PTPRM: variants seen among roughly 807,000 people sequenced by gnomAD.
The protein encoded by PTPRM is receptor-type tyrosine-protein phosphatase mu.
In PTPRM, 47 loss-of-function variants were observed where a neutral mutation model predicts 186.7. The ratio of observed to expected loss-of-function variants is 0.25; its 90% confidence interval spans 0.20 to 0.32. PTPRM has a LOEUF of 0.32. Ranked by LOEUF, PTPRM falls within the 10% of genes least tolerant of loss-of-function variation. The pLI is 1.00. For missense variants in PTPRM, 1,494 were observed against 1,865.0 expected, an observed-to-expected ratio of 0.80 and a Z score of 3.66; for synonymous variants, 668 against 674.9, an observed-to-expected ratio of 0.99 and a Z score of 0.16.
intron 14 of PTPRM, among the ~76,000 whole-genome samples, chr18:8,241,616 G>A (rs1008082726): frequency 3.9e-5 from 6 of 152,234 alleles, no homozygotes; most frequent in Admixed American, 3.9e-4. Flanking sequence ...TGGGGCATCA[G>A]TGTGCAGGAG....
At chr18:7,966,581 T>A (rs8087928) in intron 7 of PTPRM, among the ~76,000 whole-genome samples, 7 of 143,022 alleles carry the variant, frequency 4.9e-5, no homozygotes, top group Admixed American at 3.5e-4. Flanking sequence ...GACAGTGGGC[T>A]CAGGTCAGTG....
chr18:7,976,614 GA>G (rs1005107460), intron 7 of PTPRM, among the ~76,000 whole-genome samples: 12 of 150,754 alleles, frequency 8.0e-5, no homozygotes, highest in East Asian at 5.8e-4. Context: ...TTTTATTTAT[GA>G]AAAAAAAAGA....
At chr18:8,084,931 TATC>T (rs1356664020) in intron 9 of PTPRM, among the ~76,000 whole-genome samples, 2 of 152,166 alleles carry the variant, frequency 1.3e-5, no homozygotes, top group Non-Finnish European at 2.9e-5. Context: ...ATGTAGCTAG[TATC>T]ATGAAAACTT....
At chr18:7,582,640 A>C (rs2036875961) in intron 1 of PTPRM, among the ~76,000 whole-genome samples, 1 of 152,200 alleles carries the variant, frequency 6.6e-6, no homozygotes, top group Non-Finnish European at 1.5e-5. Context: ...TAAATGCCTC[A>C]GCTTCTCAGA....
intron 20 of PTPRM, among the ~76,000 whole-genome samples, chr18:8,309,871 T>TATAG (rs1006257958): frequency 6.6e-6 from 1 of 152,166 alleles, no homozygotes; most frequent in African/African-American, 2.4e-5. Flanking sequence ...AAGTCATGTC[T>TATAG]ATAGATAACC....
At chr18:8,175,709 A>C (rs1198270692) in intron 14 of PTPRM, among the ~76,000 whole-genome samples, 1 of 152,368 alleles carries the variant, frequency 6.6e-6, no homozygotes, top group Middle Eastern at 3.4e-3. Context: ...AGCCTGAAGC[A>C]GGGTGGCCTG....
chr18:7,827,928 G>T (rs2045569690), intron 2 of PTPRM, among the ~76,000 whole-genome samples: 1 of 152,198 alleles, frequency 6.6e-6, no homozygotes, highest in Non-Finnish European at 1.5e-5. Context: ...ACACTTCAGG[G>T]GCTTTAGAGA....
At chr18:8,361,484 G>C (rs1197584376) in intron 23 of PTPRM, among the ~76,000 whole-genome samples, 1 of 152,168 alleles carries the variant, frequency 6.6e-6, no homozygotes, top group East Asian at 1.9e-4. Flanking sequence ...AAATAGACAT[G>C]ATTGTTATTC....
intron 14 of PTPRM, among the ~76,000 whole-genome samples, chr18:8,184,655 A>G (rs2093619428): frequency 6.6e-6 from 1 of 152,234 alleles, no homozygotes; most frequent in Non-Finnish European, 1.5e-5. Context: ...AATCTATAAC[A>G]CTGGCCTAAA....
At chr18:7,743,660 A>G (rs1007895971) in intron 1 of PTPRM, among the ~76,000 whole-genome samples, 1 of 152,220 alleles carries the variant, frequency 6.6e-6, no homozygotes, top group East Asian at 1.9e-4. Context: ...GTAGTTGGCT[A>G]ATGTCAGTGA....
At chr18:8,052,156 A>T (rs892089996) in intron 7 of PTPRM, among the ~76,000 whole-genome samples, 4 of 152,128 alleles carry the variant, frequency 2.6e-5, no homozygotes, top group African/African-American at 9.7e-5. Context: ...GAGAACCAAC[A>T]CTATTTTGAA....
intron 7 of PTPRM, among the ~76,000 whole-genome samples, chr18:8,022,102 G>A (rs1050743977): frequency 3.9e-5 from 6 of 152,256 alleles, no homozygotes; most frequent in African/African-American, 1.2e-4. Context: ...TCTAGGACTT[G>A]GAAGCCTATC....
chr18:7,635,929 A>G (rs1283401147), intron 1 of PTPRM, among the ~76,000 whole-genome samples: 2 of 152,170 alleles, frequency 1.3e-5, no homozygotes, highest in Non-Finnish European at 2.9e-5. Flanking sequence ...AGAGTTACCC[A>G]TTGGGTTAAG....
chr18:8,354,766 G>C (rs996428208), intron 23 of PTPRM, among the ~76,000 whole-genome samples: 14 of 152,178 alleles, frequency 9.2e-5, no homozygotes, highest in African/African-American at 3.4e-4. Flanking sequence ...TACGTACCAA[G>C]TTCCCATGGG....
intron 14 of PTPRM, among the ~76,000 whole-genome samples, chr18:8,186,488 G>A (rs992601629): frequency 2.0e-5 from 3 of 152,122 alleles, no homozygotes; most frequent in African/African-American, 4.8e-5. Flanking sequence ...CTGTAGCTTC[G>A]TATTTTAACA....
At chr18:8,259,149 A>G (rs1349966790) in intron 19 of PTPRM, among the ~76,000 whole-genome samples, 3 of 152,088 alleles carry the variant, frequency 2.0e-5, no homozygotes, top group Non-Finnish European at 2.9e-5. Flanking sequence ...GATTTTCGCC[A>G]TGTTACCCAG....
chr18:7,826,714 C>G (rs1186502826), intron 2 of PTPRM, among the ~76,000 whole-genome samples: 1 of 152,212 alleles, frequency 6.6e-6, no homozygotes, highest in Non-Finnish European at 1.5e-5. Context: ...TAACTCCCAT[C>G]ATATTATCCA....
intron 2 of PTPRM, among the ~76,000 whole-genome samples, chr18:7,874,115 TTAA>T (rs1412261331): frequency 1.6e-5 from 2 of 121,698 alleles, no homozygotes; most frequent in Admixed American, 1.5e-4. Context: ...AGGAAAAGTT[TTAA>T]AAAAAAAAAT....
At chr18:8,180,954 G>C (rs891243768) in intron 14 of PTPRM, among the ~76,000 whole-genome samples, 1 of 152,076 alleles carries the variant, frequency 6.6e-6, no homozygotes, top group Non-Finnish European at 1.5e-5. Flanking sequence ...GGGTGGGGGG[G>C]CCCTCTCCTG....
Sources: allele counts gnomAD v4.1 joint callset (sites outside exome capture counted in the v4.1 genomes callset), GRCh38; gene constraint gnomAD v4.1.1; transcripts MANE v1.5; gene names NCBI Gene and HGNC (gene_info 2026-07-23, HGNC 2026-07-21).